The following CEP72 variants were observed in gnomAD, a reference collection of about 807,000 sequenced individuals.
CEP72 encodes the protein centrosomal protein 72.
CEP72 carries 78 observed loss-of-function variants against 65.7 expected under a neutral mutation model. That is an observed-to-expected ratio of 1.19 (90% CI 0.99 to 1.43). CEP72 has a LOEUF of 1.43. Among genes scored for constraint, CEP72 ranks in the 40% most tolerant of loss-of-function variants. The pLI, the probability that CEP72 is intolerant of heterozygous loss-of-function variation, is 0.00. For missense variants in CEP72, 914 were observed against 832.9 expected, an observed-to-expected ratio of 1.10 and a Z score of -1.20; for synonymous variants, 358 against 351.7, an observed-to-expected ratio of 1.02 and a Z score of -0.20.
chr5:636,368 T>G (rs1159281910), intron 6 of CEP72, among the ~76,000 whole-genome samples: 1 of 152,206 alleles, frequency 6.6e-6, no homozygotes, highest in African/African-American at 2.4e-5. Context: ...TCCCTCACCC[T>G]CTCACTAATG....
intron 9 of CEP72, 90 bp from the exon 10 acceptor site, chr5:644,209 C>T (rs1223383985): frequency 2.1e-6 from 3 of 1,437,318 alleles, no homozygotes; most frequent in African/African-American, 1.4e-5. Flanking sequence ...AGAAGGAACC[C>T]TCTGGGGATT....
downstream of CEP72, among the ~76,000 whole-genome samples, chr5:659,675 C>T (rs552343006): frequency 1.3e-5 from 2 of 152,332 alleles, no homozygotes; most frequent in African/African-American, 4.8e-5. Context: ...GCCTGCTCCT[C>T]CTTCACGGTC....
downstream of CEP72, among the ~76,000 whole-genome samples, chr5:668,771 ACAAT>A (rs1030695706): frequency 5.3e-5 from 8 of 152,206 alleles, no homozygotes; most frequent in African/African-American, 1.7e-4. Flanking sequence ...CAAACCCCAA[ACAAT>A]CCAGTGCCCT....
intron 2 of CEP72, 77 bp downstream of exon 2, chr5:619,194 C>A: frequency 2.1e-6 from 3 of 1,400,678 alleles, no homozygotes; most frequent in Non-Finnish European, 2.0e-6. Context: ...GAAACGGAGT[C>A]TGTTTTGTAA....
At chr5:674,617 G>A in the CEP72 span, among the ~76,000 whole-genome samples, 4 of 152,090 alleles carry the variant, frequency 2.6e-5, no homozygotes, top group African/African-American at 7.3e-5. Context: ...CCTGCCCATG[G>A]CTGGTGACCC....
At chr5:675,428 C>T in the CEP72 span, among the ~76,000 whole-genome samples, 11 of 73,776 alleles carry the variant, frequency 1.5e-4, no homozygotes, top group Non-Finnish European at 3.0e-4. Flanking sequence ...GCCAGGGGTG[C>T]AGCACGGTGG....
downstream of CEP72, chr5:655,617 T>TGGAGGGCGCGGGGTGGC (rs1005178577): frequency 7.4e-6 from 1 of 135,084 alleles, no homozygotes; most frequent in Non-Finnish European, 1.6e-5. This position sits in a 1 kb window ranked among gnomAD's most constrained non-coding sequence, Gnocchi z 5.0. Context: ...AGTGGGGTGG[T>TGGAGGGCGCGGGGTGGC]GGAGGGCGCG....
chr5:640,753 C>T, intron 9 of CEP72, 149 bp downstream of exon 9: 1 of 1,436,322 alleles, frequency 7.0e-7, no homozygotes, highest in Non-Finnish European at 9.1e-7. Flanking sequence ...CGGGACCCGG[C>T]CACCCCCGGA....
chr5:628,284 G>C (rs1209186163), intron 4 of CEP72, among the ~76,000 whole-genome samples: 1 of 152,252 alleles, frequency 6.6e-6, no homozygotes, highest in African/African-American at 2.4e-5. Context: ...GGAAGATGAC[G>C]TGGGTCAATG....
In CEP72 at chr5:612,369, GGGCTGGCCCTC is replaced by G; in HGVS notation, c.15_25del (p.Pro6AlafsTer20). Reference sequence around the variant, plus strand: ...GAGGGCTCCGTTTGAAACATGGCGCGGGCTGGCCCTCGGCTGGTGCTGAGCGAGGAGGCGGT... The same window carrying G: ...GAGGGCTCCGTTTGAAACATGGCGCGGGCTGGTGCTGAGCGAGGAGGCGGT... On this transcript the variant is annotated frameshift_variant, in exon 1 of 12. Coordinates refer to ENST00000264935, the MANE Select transcript of CEP72 (RefSeq NM_018140.4). LOFTEE classifies it high-confidence loss of function. 1 of 1,490,184 alleles carries G rather than the reference GGGCTGGCCCTC, an allele frequency of 6.7e-7. No individual in the cohort carries two copies. The highest frequency in any genetic ancestry group is 8.9e-7 in the Non-Finnish European group (1 of 1,125,184). 92.3% of individuals were successfully genotyped at this position (1,490,184 alleles called of 1,614,324 possible).
intron 4 of CEP72, among the ~76,000 whole-genome samples, chr5:625,092 C>T (rs765121065): frequency 1.4e-4 from 21 of 152,250 alleles, no homozygotes; most frequent in Non-Finnish European, 2.2e-4. Flanking sequence ...CTTCGGAGAC[C>T]GTGGGCGTGT....
intron 7 of CEP72, among the ~76,000 whole-genome samples, chr5:638,036 A>G (rs1737741453): frequency 6.6e-6 from 1 of 151,658 alleles, no homozygotes; most frequent in African/African-American, 2.4e-5. Flanking sequence ...GATTACGCCT[A>G]CGGCACTGAC....
intron 2 of CEP72, chr5:664,870 G>T: frequency 1.8e-6 from 1 of 557,306 alleles, no homozygotes; most frequent in South Asian, 2.3e-5. Context: ...GACGAGGCAG[G>T]TGTATTAGGA....
In CEP72 at chr5:665,970, C is replaced by T. The variant is rs764107390; in HGVS notation, n.463C>T. The T allele has an allele frequency of 3.1e-6, 5 of 1,588,778 alleles. No homozygotes were observed. The highest frequency in any genetic ancestry group is 1.7e-5 in the Admixed American group (1 of 58,914). ...CGCCTTCCATCCCCGCCCTGCTCACCGTCACCCCTGAGATGATGGGCGCCT... is the reference window on the plus strand; with the variant it reads ...CGCCTTCCATCCCCGCCCTGCTCACTGTCACCCCTGAGATGATGGGCGCCT... On this transcript the variant is annotated non_coding_transcript_exon_variant, in exon 4 of 5. Coordinates refer to the CEP72 transcript ENST00000514507.
At position 618,342 on chromosome 5, in the gene CEP72, A is replaced by G. The variant is rs893772383; in HGVS notation, c.83-648A>G. Among the ~76,000 whole-genome samples, 4 of 152,340 alleles carry G rather than the reference A, an allele frequency of 2.6e-5. No individual in the cohort carries two copies. The East Asian group carries it at 7.7e-4, about 29-fold the overall frequency. Reference sequence around the variant, plus strand: ...TGCCTCTTTCAGATTACGAGGATACATATCTCTCTGAGAAAAGCTGAAAAT... The same window carrying G: ...TGCCTCTTTCAGATTACGAGGATACGTATCTCTCTGAGAAAAGCTGAAAAT... On this transcript the variant is annotated intron_variant, in intron 1 of 11. Coordinates refer to ENST00000264935, the MANE Select transcript of CEP72 (RefSeq NM_018140.4).
the CEP72 span, among the ~76,000 whole-genome samples, chr5:672,372 C>T: frequency 6.6e-6 from 1 of 152,234 alleles, no homozygotes; most frequent in African/African-American, 2.4e-5. Flanking sequence ...CCAGTATCCA[C>T]CCAGGTGTCT....
downstream of CEP72, among the ~76,000 whole-genome samples, chr5:659,453 A>G (rs1739491627): frequency 6.6e-6 from 1 of 152,238 alleles, no homozygotes; most frequent in African/African-American, 2.4e-5. Flanking sequence ...TTGTCCAAAA[A>G]TGCCTTTATT....
chr5:644,154 G>C, intron 9 of CEP72, 145 bp from the exon 10 acceptor site: 1 of 888,898 alleles, frequency 1.1e-6, no homozygotes, highest in Non-Finnish European at 1.8e-6. Flanking sequence ...GAGATGTACC[G>C]TGAAACTGAA....
At chr5:649,238 T>G (rs1203995734) in intron 11 of CEP72, among the ~76,000 whole-genome samples, 2 of 25,874 alleles carry the variant, frequency 7.7e-5, no homozygotes, top group Middle Eastern at 0.02. Flanking sequence ...CTGTGAGGTG[T>G]GACTGTGAGG....
Sources: allele counts gnomAD v4.1 joint callset (sites outside exome capture counted in the v4.1 genomes callset), GRCh38; gene constraint gnomAD v4.1.1; non-coding constraint Gnocchi (gnomAD v3.1); transcripts MANE v1.5; gene names NCBI Gene and HGNC (gene_info 2026-07-23, HGNC 2026-07-21).